The following CETN3 variants were observed in gnomAD, a reference collection of about 807,000 sequenced individuals.
CETN3 encodes centrin 3, also known as centrin-3.
A neutral mutation model predicts 20.1 loss-of-function variants in CETN3; 17 were observed. The ratio of observed to expected loss-of-function variants is 0.85; its 90% confidence interval spans 0.58 to 1.27. The LOEUF is 1.27. Among genes scored for constraint, CETN3 ranks in the 50% most tolerant of loss-of-function variants. The probability of loss-of-function intolerance (pLI) is 0.00; values close to 1 mark genes in which losing one functional copy is unlikely to be tolerated. For synonymous variants in CETN3, 52 were observed against 59.7 expected, an observed-to-expected ratio of 0.87 and a Z score of 0.59; for missense variants, 169 against 191.2, an observed-to-expected ratio of 0.88 and a Z score of 0.69.
chr5:90,402,969 A>C (rs1393922991), intron 3 of CETN3, among the ~76,000 whole-genome samples: 1 of 152,236 alleles, frequency 6.6e-6, no homozygotes, highest in East Asian at 1.9e-4. Flanking sequence ...CAGTATTACA[A>C]TCTCAATCAG....
intron 1 of CETN3, among the ~76,000 whole-genome samples, chr5:90,408,210 T>C (rs1347049197): frequency 6.6e-6 from 1 of 152,070 alleles, no homozygotes; most frequent in East Asian, 1.9e-4. Flanking sequence ...ACAAGAATGT[T>C]AAAGAATTTA....
intron 4 of CETN3, chr5:90,399,127 A>C: frequency 1.7e-6 from 1 of 588,882 alleles, no homozygotes; most frequent in Non-Finnish European, 3.0e-6. Context: ...TGAAAGGCTG[A>C]AATTTTGGTG....
intron 1 of CETN3, among the ~76,000 whole-genome samples, chr5:90,409,436 T>A (rs537147362): frequency 6.6e-6 from 1 of 152,158 alleles, no homozygotes; most frequent in East Asian, 1.9e-4. Flanking sequence ...AGAAATAACC[T>A]CCTTAGCAGA....
At position 90,407,770 on chromosome 5, in the gene CETN3, G is replaced by A; in HGVS notation, c.82C>T (p.Gln28Ter). ...KRRELSEEQK[Q>*]EIKDAFELFD... ...AGTTCAAAAGCATCTTTAATTTCTT[G>A]TTTCTGTTCCTCAGACAGTTCTCTT... The change falls in exon 2 of 5, where the codon CAA becomes TAA. Residue 28 changes from glutamine (Q) to a stop codon, truncating the protein, a stop_gained. Coordinates refer to ENST00000283122, the MANE Select transcript of CETN3 (RefSeq NM_004365.4). LOFTEE classifies it high-confidence loss of function. The A allele has an allele frequency of 6.2e-7, 1 of 1,601,502 alleles. No homozygotes were observed.
chr5:90,407,709 T>C lies in CETN3; in HGVS notation c.143A>G (p.His48Arg), dbSNP rs1749489025. The C allele has an allele frequency of 6.5e-7, 1 of 1,527,036 alleles. No individual in the cohort carries two copies. 94.6% of individuals were successfully genotyped at this position (1,527,036 alleles called of 1,614,324 possible). Residue 48 changes from histidine to arginine, a missense_variant, in exon 2 of 5, where the codon CAT becomes CGT. Transcript: ENST00000283122. Reference sequence around the variant, plus strand: ...AAAGTATACCATTACCTTTAATTCATGATAATCTATTGCTTCATCTTTGTC... The same window carrying C: ...AAAGTATACCATTACCTTTAATTCACGATAATCTATTGCTTCATCTTTGTC... ...DTDKDEAIDY[H>R]ELKVAMRALG...
rs761758741 is a variant in CETN3 at position 90,399,459 on chromosome 5, A to G, written c.359T>C (p.Leu120Ser). ...FDDDDSGKIS[L>S]RNLRRVAREL... ...TCTAGCAACACGTCGCAAATTCCTC[A>G]AGCTTATTTTACCTGAATCATCATC... The change falls in exon 4 of 5, where the codon TTG becomes TCG. Residue 120 changes from leucine to serine, a missense_variant. Leu to Ser is a moderately radical substitution (Grantham distance 145). Coordinates refer to ENST00000283122, the MANE Select transcript of CETN3 (RefSeq NM_004365.4). The G allele has an allele frequency of 3.7e-6, 6 of 1,613,850 alleles. No homozygotes were observed.
intron 3 of CETN3, among the ~76,000 whole-genome samples, chr5:90,400,285 T>G (rs1397376953): frequency 2.0e-5 from 3 of 152,132 alleles, no homozygotes; most frequent in Non-Finnish European, 4.4e-5. Context: ...TAAAAATAAA[T>G]GTAGTTTCAA....
intron 4 of CETN3, among the ~76,000 whole-genome samples, chr5:90,395,059 C>A (rs1396525158): frequency 6.6e-6 from 1 of 152,134 alleles, no homozygotes; most frequent in Non-Finnish European, 1.5e-5. Flanking sequence ...AAGACCTGGT[C>A]TCTAGTCACA....
Position 90,409,657 on chromosome 5 carries a change from C to T in CETN3, c.5G>A (p.Ser2Asn), listed in dbSNP as rs145909590. The T allele has an allele frequency of 6.2e-7, 1 of 1,614,166 alleles. No individual in the cohort carries two copies. Residue 2 changes from serine to asparagine, a missense_variant, in exon 1 of 5, where the codon AGT (serine) becomes AAT (asparagine). Physicochemically the swap from Ser to Asn is conservative, Grantham distance 46. Transcript: ENST00000283122. ...CCTTATTACCGACCTCAGAGCTAAA[C>T]TCATTATCTCTTCGCACAGAGACGT... M[S>N]LALRSELVVD...
chr5:90,406,543 A>G (rs1376688518), intron 2 of CETN3, among the ~76,000 whole-genome samples: 3 of 151,856 alleles, frequency 2.0e-5, no homozygotes, highest in African/African-American at 7.3e-5. Flanking sequence ...GGAGGAAGAA[A>G]GCAGTTAGCA....
chr5:90,405,173 A>C (rs1475054238), intron 3 of CETN3, among the ~76,000 whole-genome samples: 2 of 152,162 alleles, frequency 1.3e-5, no homozygotes, highest in Non-Finnish European at 2.9e-5. Flanking sequence ...GATCAAGGTC[A>C]TCCAGAGGAT....
intron 1 of CETN3, among the ~76,000 whole-genome samples, chr5:90,408,420 CATTGAT>C (rs1432409073): frequency 6.6e-6 from 1 of 152,080 alleles, no homozygotes; most frequent in Non-Finnish European, 1.5e-5. Flanking sequence ...TCATTTCCTC[CATTGAT>C]ATTAACAAAC....
intron 3 of CETN3, chr5:90,405,469 C>T: frequency 3.9e-6 from 2 of 512,260 alleles, no homozygotes; most frequent in African/African-American, 2.0e-5. Context: ...TTAGAATCTT[C>T]ACAACAAAAC....
chr5:90,409,371 A>G (rs1274744350), intron 1 of CETN3, among the ~76,000 whole-genome samples: 2 of 152,106 alleles, frequency 1.3e-5, no homozygotes, highest in Non-Finnish European at 2.9e-5. Context: ...TTTCATTCCC[A>G]CCTCGCTCGC....
At chr5:90,404,089 T>A (rs1218245175) in intron 3 of CETN3, among the ~76,000 whole-genome samples, 3 of 152,110 alleles carry the variant, frequency 2.0e-5, no homozygotes, top group Non-Finnish European at 4.4e-5. Flanking sequence ...TTTTTTAAAG[T>A]AATAATAATA....
rs543330589 is a variant in CETN3 at position 90,401,076 on chromosome 5, A to G, written c.269-1527T>C. Among the ~76,000 whole-genome samples, 10 of 152,340 alleles carry G rather than the reference A, an allele frequency of 6.6e-5. No individual in the cohort carries two copies. The South Asian group carries it at 1.9e-3, about 28-fold the overall frequency. On this transcript the variant is annotated intron_variant, in intron 3 of 4. Coordinates refer to ENST00000283122, the MANE Select transcript of CETN3 (RefSeq NM_004365.4). ...AGCAGCTTGCTGAAAGTATTAATGT[A>G]CTTAAAGAAGCAACAGGGTGATTGG...
In CETN3 at chr5:90,394,702, T is replaced by C. The variant is rs557839263; in HGVS notation, c.461-595A>G. 9.9e-5 allele frequency among the ~76,000 whole-genome samples: 15 copies of C among 152,128 alleles called. 1 individual carries two copies. In the South Asian group the frequency reaches 3.1e-3, roughly 32 times the overall value. On this transcript the variant is annotated intron_variant, in intron 4 of 4. Coordinates refer to ENST00000283122, the MANE Select transcript of CETN3 (RefSeq NM_004365.4). ...TGGCAATTTGAAAAGATTACAGATG[T>C]AATCTTAATCACCAAAGTAATCCAG...
intron 3 of CETN3, among the ~76,000 whole-genome samples, chr5:90,400,674 C>A (rs1749265276): frequency 6.6e-6 from 1 of 150,918 alleles, no homozygotes; most frequent in Non-Finnish European, 1.5e-5. Context: ...CAATCGAAGT[C>A]TCCAACAAGC....
At chr5:90,401,760 C>A (rs1159595208) in intron 3 of CETN3, among the ~76,000 whole-genome samples, 4 of 152,202 alleles carry the variant, frequency 2.6e-5, no homozygotes. Context: ...GCAACATTTA[C>A]AGCTAGATTC....
Sources: allele counts gnomAD v4.1 joint callset (sites outside exome capture counted in the v4.1 genomes callset), GRCh38; gene constraint gnomAD v4.1.1; transcripts MANE v1.5; gene names NCBI Gene and HGNC (gene_info 2026-07-23, HGNC 2026-07-21).